Variants in GAPVD1 observed in about 807,000 individuals in gnomAD.
GAPVD1 encodes the protein GTPase-activating protein and VPS9 domain-containing protein 1.
Under a neutral mutation model 155.5 loss-of-function variants are expected in GAPVD1, and 35 were observed. The ratio of observed to expected loss-of-function variants is 0.23; its 90% CI spans 0.17 to 0.30. The LOEUF is 0.30. GAPVD1 is among the 10% of genes least tolerant of loss of function. The probability of loss-of-function intolerance (pLI) is 1.00; values close to 1 mark genes in which losing one functional copy is unlikely to be tolerated. For missense variants in GAPVD1, 1,429 were observed against 1,775.7 expected (o/e 0.80, Z 3.51); for synonymous variants, 636 against 619.7 (o/e 1.03, Z -0.39).
At chr9:125,280,367 G>A (rs1298329254) in intron 2 of GAPVD1, among the ~76,000 whole-genome samples, 1 of 120,328 alleles carries the variant, frequency 8.3e-6, no homozygotes, top group East Asian at 2.5e-4. Flanking sequence ...TTGCGCTCCA[G>A]CTTGGGCAAC....
chr9:125,287,214 A>G (rs1837844987), intron 2 of GAPVD1, among the ~76,000 whole-genome samples: 2 of 152,150 alleles, frequency 1.3e-5, no homozygotes, highest in Admixed American at 1.3e-4. Flanking sequence ...AGGGGGCCAG[A>G]TATAAATATA....
intron 3 of GAPVD1, among the ~76,000 whole-genome samples, chr9:125,295,895 C>T (rs911530140): frequency 6.6e-6 from 1 of 152,016 alleles, no homozygotes; most frequent in African/African-American, 2.4e-5. Context: ...TGAGATTAGG[C>T]GATTTGGCTA....
chr9:125,266,842 CT>C (rs977411241), intron 1 of GAPVD1, among the ~76,000 whole-genome samples: 8 of 151,898 alleles, frequency 5.3e-5, no homozygotes, highest in Non-Finnish European at 8.8e-5. Context: ...GTCACTGCAA[CT>C]TCCCCCTCCT....
chr9:125,313,191 A>G (rs1025062653), intron 9 of GAPVD1, among the ~76,000 whole-genome samples: 2 of 152,008 alleles, frequency 1.3e-5, no homozygotes, highest in African/African-American at 4.8e-5. Context: ...TCACCTCTCC[A>G]AAGGCCCGAT....
intron 12 of GAPVD1, among the ~76,000 whole-genome samples, chr9:125,328,916 C>T (rs552148136): frequency 3.9e-5 from 6 of 152,346 alleles, no homozygotes; most frequent in Non-Finnish European, 5.9e-5. Flanking sequence ...GCGGATCACT[C>T]GCGGTTAGGG....
chr9:125,269,549 T>C (rs1487003329), intron 2 of GAPVD1, among the ~76,000 whole-genome samples: 2 of 150,998 alleles, frequency 1.3e-5, no homozygotes, highest in Non-Finnish European at 3.0e-5. Flanking sequence ...GAGTGCAGCC[T>C]CCCGAGTAGC....
At chr9:125,264,929 G>T (rs1431579586) in intron 1 of GAPVD1, among the ~76,000 whole-genome samples, 1 of 152,186 alleles carries the variant, frequency 6.6e-6, no homozygotes, top group East Asian at 1.9e-4. Flanking sequence ...TGTTGGTCAG[G>T]CTGGCCTCGA....
In GAPVD1 at chr9:125,312,479, T is replaced by C. The variant is rs368014359; in HGVS notation, c.1469T>C (p.Met490Thr). ...ACTCGGAGCAGAAGCCGCACCAATA[T>C]GCTAATGGACCTACATATGGACCAT... ...IATRSRSRTN[M>T]LMDLHMDHEG... The change falls in exon 9 of 28, where the codon ATG (methionine) becomes ACG (threonine). Residue 490 changes from methionine (M) to threonine (T), a missense_variant. Met to Thr is a moderately conservative substitution (Grantham distance 81). Transcript: ENST00000297933. 7.3e-5 allele frequency: 116 copies of C among 1,594,186 alleles called. No individual in the cohort carries two copies. The highest frequency in any genetic ancestry group is 8.9e-5 in the Non-Finnish European group (104 of 1,173,638).
At chr9:125,338,396 T>C (rs1192399350) in intron 17 of GAPVD1, among the ~76,000 whole-genome samples, 1 of 152,196 alleles carries the variant, frequency 6.6e-6, no homozygotes, top group African/African-American at 2.4e-5. Context: ...TACCAGTTAC[T>C]TATCACACCC....
chr9:125,366,450 A>T lies in GAPVD1; in HGVS notation c.*3704A>T, dbSNP rs1851474262. 1 of 152,214 alleles carries T rather than the reference A, an allele frequency of 6.6e-6. No individual in the cohort carries two copies. The highest frequency in any genetic ancestry group is 2.1e-4 in the South Asian group (1 of 4,826). The allele number at this position is 152,214 out of a possible 1,614,324, so 9.4% of individuals were successfully genotyped here. On this transcript the variant is annotated 3_prime_UTR_variant, in exon 28 of 28. Coordinates refer to ENST00000297933, the MANE Select transcript of GAPVD1 (RefSeq NM_001282680.3). ...TTACTGGATTGCATAAAAGTGATAG[A>T]AGTGTAGTGGGGTTCACTTCCTCAA...
At chr9:125,338,323 G>A (rs2132016559) in intron 17 of GAPVD1, among the ~76,000 whole-genome samples, 1 of 152,326 alleles carries the variant, frequency 6.6e-6, no homozygotes, top group Non-Finnish European at 1.5e-5. Context: ...CTACAAACAA[G>A]CAGATTCTCC....
At position 125,362,668 on chromosome 9, in the gene GAPVD1, G is replaced by A. The variant is rs761601164; in HGVS notation, c.4305G>A (p.Leu1435=). 2 of 1,613,464 alleles carry A rather than the reference G, an allele frequency of 1.2e-6. No individual in the cohort carries two copies. The highest frequency in any genetic ancestry group is 1.3e-5 in the African/African-American group (1 of 75,030). ...TCAGTAGCTTTTATGCTAGCTGTCTGTCTGGAGAGGAGTCCTATTGGTGGA... is the reference window on the plus strand; with the variant it reads ...TCAGTAGCTTTTATGCTAGCTGTCTATCTGGAGAGGAGTCCTATTGGTGGA... ...QYISSFYASC[L]SGEESYWWMQ... is the part of the protein sequence containing the mutation. Residue 1435 remains leucine (L), a synonymous_variant, in exon 28 of 28, where the codon CTG becomes CTA. Transcript: ENST00000297933.
intron 2 of GAPVD1, among the ~76,000 whole-genome samples, chr9:125,283,028 TTTTATTTATTTATTTATTTATTTA>T (rs10649964): frequency 7.0e-6 from 1 of 143,324 alleles, no homozygotes; most frequent in Admixed American, 7.1e-5. Flanking sequence ...TTATTTTTAT[TTTTATTTATTTATTTATTTATTTA>T]TTTATTTATT....
chr9:125,337,396 T>A lies in GAPVD1; in HGVS notation c.2682T>A (p.Pro894=). Residue 894 remains proline, a synonymous_variant, in exon 17 of 28, where the codon CCT becomes CCA. Transcript: ENST00000297933. ...CATTCAAGCAAAGGCATTCTTACCCTGAGAGACTAGTTCGAAGCAGGAGCT... is the reference window on the plus strand; with the variant it reads ...CATTCAAGCAAAGGCATTCTTACCCAGAGAGACTAGTTCGAAGCAGGAGCT... ...MEAFKQRHSY[P]ERLVRSRSSD... The A allele has an allele frequency of 6.2e-7, 1 of 1,614,146 alleles. No individual in the cohort carries two copies. Among genetic ancestry groups the A allele is most frequent in the Non-Finnish European group, 8.5e-7 (1 of 1,179,960 alleles).
At chr9:125,352,320 G>A (rs1271603913) in intron 23 of GAPVD1, among the ~76,000 whole-genome samples, 1 of 152,198 alleles carries the variant, frequency 6.6e-6, no homozygotes, top group Non-Finnish European at 1.5e-5. Flanking sequence ...CTGCCCCTGC[G>A]GCAAACTTCT....
At chr9:125,280,629 G>A (rs1247696758) in intron 2 of GAPVD1, among the ~76,000 whole-genome samples, 1 of 147,068 alleles carries the variant, frequency 6.8e-6, no homozygotes. Context: ...AGACTGGAGT[G>A]CAGTGGCGCA....
chr9:125,329,634 GTT>G (rs141414767), intron 12 of GAPVD1, among the ~76,000 whole-genome samples: 68,552 of 140,978 alleles, frequency 0.49, 15,987 homozygotes, highest in Middle Eastern at 0.56. Context: ...GAATTTGGTG[GTT>G]TTTTTTTTTT....
chr9:125,300,847 G>T (rs1210361085), intron 4 of GAPVD1, among the ~76,000 whole-genome samples: 1 of 151,916 alleles, frequency 6.6e-6, no homozygotes, highest in Non-Finnish European at 1.5e-5. Context: ...GGGCATTGTG[G>T]TTTTTTCCCC....
Position 125,337,566 on chromosome 9 carries a change from C to T in GAPVD1, c.2852C>T (p.Pro951Leu), listed in dbSNP as rs752197679. 26 of 1,613,706 alleles carry T rather than the reference C, an allele frequency of 1.6e-5. No individual in the cohort carries two copies. The highest frequency in any genetic ancestry group is 9.9e-5 in the South Asian group (9 of 91,070). Residue 951 changes from proline (P) to leucine (L), a missense_variant, in exon 17 of 28, where the codon CCG becomes CTG. Transcript: ENST00000297933. ...VAAPHSSSSSPSKDSSRGETE... is the reference protein window; with the variant it reads ...VAAPHSSSSSLSKDSSRGETE... ...GCACCTCATTCATCATCTTCATCCC[C>T]GAGTAAGGACTCCTCAAGAGGAGAG...
Sources: gnomAD v4.1 joint callset for allele counts (sites outside exome capture counted in the v4.1 genomes callset) on GRCh38, gnomAD v4.1.1 for gene constraint, MANE v1.5 for transcripts, NCBI Gene and HGNC (gene_info 2026-07-23, HGNC 2026-07-21) for gene names.